The following SLCO3A1 variants were observed in gnomAD, a reference collection of about 807,000 sequenced individuals.
SLCO3A1 encodes the protein PGE1 transporter.
A neutral mutation model predicts 63.1 loss-of-function variants in SLCO3A1; 27 were observed. The observed-to-expected ratio is 0.43, with a 90% CI of 0.32 to 0.59. The LOEUF is 0.59. SLCO3A1 is among the 20% of genes least tolerant of loss of function. The pLI is 0.09. For synonymous variants in SLCO3A1, 473 were observed against 409.9 expected, an observed-to-expected ratio of 1.15 and a Z score of -1.86; for missense variants, 773 against 945.8, an observed-to-expected ratio of 0.82 and a Z score of 2.40.
At chr15:92,120,174 A>G (rs2047846668) in intron 4 of SLCO3A1, among the ~76,000 whole-genome samples, 1 of 152,154 alleles carries the variant, frequency 6.6e-6, no homozygotes, top group South Asian at 2.1e-4. Context: ...TGCTTTAAAA[A>G]AATTTTACTG....
chr15:92,080,637 G>T (rs1393701013), intron 2 of SLCO3A1, among the ~76,000 whole-genome samples: 1 of 152,196 alleles, frequency 6.6e-6, no homozygotes, highest in East Asian at 1.9e-4. Context: ...ATACCAGACA[G>T]CAGTAGGGGC....
chr15:91,990,046 T>C (rs79220765), intron 2 of SLCO3A1, among the ~76,000 whole-genome samples: 4,224 of 152,342 alleles, frequency 0.028, 189 homozygotes, highest in African/African-American at 0.097. Context: ...TCAAATGCAT[T>C]GCTTACCACT....
rs1900092606 is a variant in SLCO3A1, at chr15:91,954,209, T to G, written c.646+37751T>G. 6.6e-6 allele frequency among the ~76,000 whole-genome samples: 1 copy of G among 152,110 alleles called. No homozygotes were observed. Among genetic ancestry groups the G allele is most frequent in the African/African-American group, 2.4e-5 (1 of 41,426 alleles). ...GTGTTAGAGACAGACCCCTAGGGGTTTCTGAACCACGCACTGAGAATTCCA... is the reference window on the plus strand; with the variant it reads ...GTGTTAGAGACAGACCCCTAGGGGTGTCTGAACCACGCACTGAGAATTCCA... On this transcript the variant is annotated intron_variant, in intron 2 of 9. Coordinates refer to ENST00000318445, the MANE Select transcript of SLCO3A1 (RefSeq NM_013272.4). This position sits in a 1 kb window ranked among gnomAD's most constrained non-coding sequence, Gnocchi z 4.7.
rs533382670 is a variant in SLCO3A1 at position 91,870,596 on chromosome 15, A to T, written c.180+16508A>T. Among the ~76,000 whole-genome samples the T allele has an allele frequency of 4.6e-5, 7 of 152,342 alleles. No individual in the cohort carries two copies. The East Asian group carries it at 1.3e-3, about 29-fold the overall frequency. On this transcript the variant is annotated intron_variant, in intron 1 of 9. Transcript: ENST00000318445. ...AGTTTTGGGAGAATTTCTTTGTATT[A>T]TCTCTTCAAACACTGGGTTCTATGC... is the stretch of plus-strand genomic sequence containing the variant.
intron 9 of SLCO3A1, among the ~76,000 whole-genome samples, chr15:92,158,132 T>C (rs1230227195): frequency 2.6e-5 from 4 of 152,158 alleles, no homozygotes; most frequent in Non-Finnish European, 5.9e-5. Flanking sequence ...ACTGAGTTTG[T>C]TTACAAAATA....
chr15:92,000,833 C>T (rs904732601), intron 2 of SLCO3A1, among the ~76,000 whole-genome samples: 9 of 152,166 alleles, frequency 5.9e-5, no homozygotes, highest in South Asian at 2.1e-4. Context: ...TGTGCACACA[C>T]GCTTGTACGC....
intron 2 of SLCO3A1, among the ~76,000 whole-genome samples, chr15:91,977,648 T>C (rs1340992931): frequency 6.6e-6 from 1 of 152,068 alleles, no homozygotes; most frequent in Non-Finnish European, 1.5e-5. Flanking sequence ...AAGGACTACA[T>C]ATTGGGTAGA....
intron 2 of SLCO3A1, among the ~76,000 whole-genome samples, chr15:92,073,308 C>T (rs1158847446): frequency 2.6e-5 from 4 of 152,288 alleles, no homozygotes; most frequent in East Asian, 1.9e-4. Context: ...CATGAGTTTA[C>T]TCTATCCTCA....
chr15:92,102,833 G>A (rs1055946020), intron 3 of SLCO3A1, among the ~76,000 whole-genome samples: 6 of 152,204 alleles, frequency 3.9e-5, no homozygotes, highest in African/African-American at 1.4e-4. Context: ...AAGAGGGGCA[G>A]TGGAACAGAA....
intron 2 of SLCO3A1, among the ~76,000 whole-genome samples, chr15:92,044,567 C>T (rs976249318): frequency 3.3e-5 from 5 of 152,146 alleles, no homozygotes; most frequent in Non-Finnish European, 1.5e-5. Context: ...CACTCTGGAG[C>T]TCCTTCCTCC....
chr15:92,165,400 T>C lies in SLCO3A1; in HGVS notation c.*2265T>C. On this transcript the variant is annotated 3_prime_UTR_variant, in exon 10 of 10. Coordinates refer to ENST00000318445, the MANE Select transcript of SLCO3A1 (RefSeq NM_013272.4). ...TTTTGGTTTAGTTTTGCAAATATAT[T>C]GCTAATAGGTCACTCTTATAGATTA... is the stretch of plus-strand genomic sequence containing the variant. 1 of 985,356 alleles carries C rather than the reference T, an allele frequency of 1.0e-6. No homozygotes were observed. Among genetic ancestry groups the C allele is most frequent in the Non-Finnish European group, 1.2e-6 (1 of 829,854 alleles). The allele number at this position is 985,356 out of a possible 1,614,324, so 61.0% of individuals were successfully genotyped here.
At chr15:92,090,692 C>T (rs925131432) in intron 2 of SLCO3A1, among the ~76,000 whole-genome samples, 1 of 152,136 alleles carries the variant, frequency 6.6e-6, no homozygotes, top group Admixed American at 6.5e-5. Context: ...CCAAAGATAG[C>T]TTTAAGAAAT....
At chr15:92,156,102 A>G (rs1028714657) in intron 9 of SLCO3A1, among the ~76,000 whole-genome samples, 2 of 152,262 alleles carry the variant, frequency 1.3e-5, no homozygotes, top group Admixed American at 1.3e-4. Context: ...CTTGTCAGAC[A>G]TTTGTTGAGT....
In SLCO3A1 at chr15:91,885,753, C is replaced by T. The variant is rs181843679; in HGVS notation, c.181-30240C>T. On this transcript the variant is annotated intron_variant, in intron 1 of 9. Coordinates refer to ENST00000318445, the MANE Select transcript of SLCO3A1 (RefSeq NM_013272.4). The surrounding 1 kb of genome is among the most constrained non-coding windows in gnomAD (Gnocchi z 4.7). ...TTCAGATCCCTTCGCCTTCCCCTCC[C>T]CTATTTTTATGGCTGCTAACAAATC... Among the ~76,000 whole-genome samples the T allele has an allele frequency of 4.6e-4, 70 of 152,360 alleles. No individual in the cohort carries two copies. The highest frequency in any genetic ancestry group is 4.0e-3 in the East Asian group (21 of 5,188).
At chr15:92,143,094 T>C (rs1345021521) in intron 7 of SLCO3A1, among the ~76,000 whole-genome samples, 1 of 151,252 alleles carries the variant, frequency 6.6e-6, no homozygotes, top group East Asian at 2.0e-4. Context: ...GAATGTGATA[T>C]GGGGGTACTG....
intron 2 of SLCO3A1, among the ~76,000 whole-genome samples, chr15:92,030,724 G>C (rs2046636557): frequency 6.6e-6 from 1 of 152,142 alleles, no homozygotes; most frequent in Non-Finnish European, 1.5e-5. Context: ...TGGCAGAGAG[G>C]AAAGTGGTGC....
chr15:92,085,611 C>T (rs1257408440), intron 2 of SLCO3A1, among the ~76,000 whole-genome samples: 2 of 152,236 alleles, frequency 1.3e-5, no homozygotes, highest in African/African-American at 2.4e-5. Flanking sequence ...ACTTATATCA[C>T]GCATGTGCAT....
intron 9 of SLCO3A1, among the ~76,000 whole-genome samples, chr15:92,152,278 T>C (rs1335462698): frequency 5.3e-5 from 8 of 152,220 alleles, no homozygotes; most frequent in South Asian, 2.1e-4. Context: ...GGCAAATACA[T>C]AGCATATGTC....
At chr15:92,053,696 G>GTTTTT (rs56305523) in intron 2 of SLCO3A1, among the ~76,000 whole-genome samples, 1 of 23,902 alleles carries the variant, frequency 4.2e-5, no homozygotes, top group African/African-American at 6.3e-5. Flanking sequence ...TTGTTTGTTT[G>GTTTTT]TTTTTTTTTT....
Sources: gnomAD v4.1 joint callset for allele counts (sites outside exome capture counted in the v4.1 genomes callset) on GRCh38, gnomAD v4.1.1 for gene constraint, Gnocchi (gnomAD v3.1) non-coding constraint, MANE v1.5 for transcripts, NCBI Gene and HGNC (gene_info 2026-07-23, HGNC 2026-07-21) for gene names.